RBFOX1: variants seen among roughly 807,000 people sequenced by gnomAD.
RBFOX1 encodes the protein RNA binding fox-1 homolog 1.
A neutral mutation model predicts 57.7 loss-of-function variants in RBFOX1; 8 were observed. The observed-to-expected ratio is 0.14, with a 90% CI of 0.08 to 0.25. RBFOX1 has a LOEUF of 0.25. Among genes scored for constraint, RBFOX1 ranks in the 10% least tolerant of loss-of-function variants. The pLI is 1.00. For missense variants in RBFOX1, 611 were observed against 548.5 expected (o/e 1.11, Z -1.14); for synonymous variants, 326 against 222.4 (o/e 1.47, Z -4.15).
At chr16:7,004,464 G>C (rs1053884260) in intron 3 of RBFOX1, among the ~76,000 whole-genome samples, 1 of 152,118 alleles carries the variant, frequency 6.6e-6, no homozygotes, top group African/African-American at 2.4e-5. Context: ...TGGATTTGAA[G>C]GTTTGGAGCC....
At chr16:7,608,351 T>TTTAAG (rs1218656609) in intron 10 of RBFOX1, among the ~76,000 whole-genome samples, 3 of 152,158 alleles carry the variant, frequency 2.0e-5, no homozygotes, top group African/African-American at 7.2e-5. Flanking sequence ...TCTGACAAAA[T>TTTAAG]TTAAGTTAAA....
At chr16:7,682,149 G>A (rs2074925112) in intron 14 of RBFOX1, among the ~76,000 whole-genome samples, 1 of 152,090 alleles carries the variant, frequency 6.6e-6, no homozygotes, top group African/African-American at 2.4e-5. Flanking sequence ...TAGAACAATA[G>A]CAAACGGTAG....
chr16:5,789,990 A>G (rs1032439105), intron 3 of RBFOX1, among the ~76,000 whole-genome samples: 3 of 152,194 alleles, frequency 2.0e-5, no homozygotes, highest in South Asian at 2.1e-4. Context: ...TCATGCAGGA[A>G]AAGTTTATTT....
chr16:7,330,510 TTGTGTGTG>T (rs1287839162), intron 4 of RBFOX1, among the ~76,000 whole-genome samples: 55 of 57,128 alleles, frequency 9.6e-4, no homozygotes, highest in African/African-American at 2.9e-3. Context: ...GTGTGTGTGT[TTGTGTGTG>T]TGTGTGTAGA....
At chr16:6,003,710 C>T (rs1443101053) in intron 4 of RBFOX1, among the ~76,000 whole-genome samples, 3 of 152,234 alleles carry the variant, frequency 2.0e-5, no homozygotes, top group Non-Finnish European at 4.4e-5. Flanking sequence ...TGGCCAAGTT[C>T]TTTAACATCT....
At chr16:7,680,137 C>G (rs1384131908) in intron 14 of RBFOX1, among the ~76,000 whole-genome samples, 1 of 152,158 alleles carries the variant, frequency 6.6e-6, no homozygotes, top group Non-Finnish European at 1.5e-5. Flanking sequence ...CTGGATTGGA[C>G]AGGTCCATCA....
At chr16:5,483,061 C>A (rs1246021238) in intron 2 of RBFOX1, among the ~76,000 whole-genome samples, 5 of 152,184 alleles carry the variant, frequency 3.3e-5, no homozygotes, top group Non-Finnish European at 1.5e-5. Context: ...AGAGTTCTAA[C>A]CCCACAGAGT....
chr16:7,706,164 G>A (rs1302240981), intron 14 of RBFOX1, among the ~76,000 whole-genome samples: 1 of 152,142 alleles, frequency 6.6e-6, no homozygotes, highest in African/African-American at 2.4e-5. Context: ...TGACTAAATT[G>A]TAGTGTCACA....
intron 3 of RBFOX1, among the ~76,000 whole-genome samples, chr16:6,656,917 C>CCTCTA: frequency 7.4e-6 from 1 of 134,260 alleles, no homozygotes; most frequent in South Asian, 2.6e-4. Flanking sequence ...CCTCTCCTCC[C>CCTCTA]CTCTCCTCTC....
chr16:5,475,977 G>C (rs187773553), intron 2 of RBFOX1, among the ~76,000 whole-genome samples: 1 of 152,226 alleles, frequency 6.6e-6, no homozygotes, highest in Non-Finnish European at 1.5e-5. Context: ...TCCTCTGTCA[G>C]AATTACTGCT....
chr16:6,647,707 G>T (rs191857553), intron 2 of RBFOX1, among the ~76,000 whole-genome samples: 2 of 152,132 alleles, frequency 1.3e-5, no homozygotes, highest in African/African-American at 4.8e-5. Context: ...TGTTGATTCT[G>T]ATTCGATGTA....
At chr16:6,377,273 CAAA>C (rs57044618) in intron 2 of RBFOX1, among the ~76,000 whole-genome samples, 4 of 88,548 alleles carry the variant, frequency 4.5e-5, no homozygotes, top group Non-Finnish European at 4.8e-5. Flanking sequence ...GACCCTGTCT[CAAA>C]AAAAAAAAAA....
At chr16:6,091,386 C>T (rs1456964768) in intron 1 of RBFOX1, among the ~76,000 whole-genome samples, 1 of 152,244 alleles carries the variant, frequency 6.6e-6, no homozygotes, top group South Asian at 2.1e-4. Context: ...ACTCTCTCAA[C>T]ACACTCTTAT....
At chr16:5,429,386 T>C (rs1356832001) in intron 1 of RBFOX1, among the ~76,000 whole-genome samples, 1 of 152,154 alleles carries the variant, frequency 6.6e-6, no homozygotes, top group Non-Finnish European at 1.5e-5. Context: ...GCTCAGGCCT[T>C]AGGCGGGACT....
At chr16:6,762,531 C>T (rs2076756054) in intron 3 of RBFOX1, among the ~76,000 whole-genome samples, 1 of 152,058 alleles carries the variant, frequency 6.6e-6, no homozygotes, top group South Asian at 2.1e-4. Context: ...AAGGTATACG[C>T]CCACGGTCGT....
chr16:7,170,538 G>A (rs754385213), intron 4 of RBFOX1, among the ~76,000 whole-genome samples: 5 of 152,072 alleles, frequency 3.3e-5, no homozygotes, highest in Admixed American at 6.5e-5. Context: ...TTGCAAGTGC[G>A]AGCCACCACT....
At chr16:6,971,274 G>A (rs1052511443) in intron 3 of RBFOX1, among the ~76,000 whole-genome samples, 2 of 152,152 alleles carry the variant, frequency 1.3e-5, no homozygotes, top group Non-Finnish European at 2.9e-5. Flanking sequence ...ACACCTTGGG[G>A]ATTCATATGT....
At chr16:5,284,237 T>G (rs1200240865) in intron 1 of RBFOX1, among the ~76,000 whole-genome samples, 1 of 152,160 alleles carries the variant, frequency 6.6e-6, no homozygotes, top group African/African-American at 2.4e-5. Flanking sequence ...CTTTTGTAAA[T>G]TGCCCAGTCT....
At chr16:7,097,059 A>C (rs955091161) in intron 4 of RBFOX1, among the ~76,000 whole-genome samples, 2 of 152,184 alleles carry the variant, frequency 1.3e-5, no homozygotes, top group Non-Finnish European at 2.9e-5. Flanking sequence ...CTCCTATACA[A>C]ATAAACACAT....
Sources: allele counts gnomAD v4.1 joint callset (sites outside exome capture counted in the v4.1 genomes callset), GRCh38; gene constraint gnomAD v4.1.1; transcripts MANE v1.5; gene names NCBI Gene and HGNC (gene_info 2026-07-23, HGNC 2026-07-21).